The following IPO11 variants were observed in gnomAD, a reference collection of about 807,000 sequenced individuals.
IPO11 encodes importin 11, also known as importin-11.
A neutral mutation model predicts 143.2 loss-of-function variants in IPO11; 66 were observed. The ratio of observed to expected loss-of-function variants is 0.46; its 90% CI spans 0.38 to 0.57. The LOEUF is 0.57. IPO11 is among the 20% of genes least tolerant of loss of function. IPO11 has a pLI of 0.00. For missense variants in IPO11, 1,026 were observed against 1,141.0 expected (o/e 0.90, Z 1.45); for synonymous variants, 385 against 377.8 (o/e 1.02, Z -0.22).
At chr5:62,588,836 G>A (rs1345859628) in intron 27 of IPO11, among the ~76,000 whole-genome samples, 1 of 152,148 alleles carries the variant, frequency 6.6e-6, no homozygotes, top group Non-Finnish European at 1.5e-5. Flanking sequence ...ACTGCAGTTG[G>A]ACCTCACTGC....
chr5:62,564,145 A>G (rs1439016451), intron 27 of IPO11, among the ~76,000 whole-genome samples: 1 of 152,136 alleles, frequency 6.6e-6, no homozygotes, highest in Non-Finnish European at 1.5e-5. Flanking sequence ...TAGACTAGTG[A>G]TGAAACATTG....
Position 62,476,677 on chromosome 5 carries a change from T to G in IPO11, c.758-6T>G. 1.3e-6 allele frequency: 2 copies of G among 1,508,626 alleles called. No individual in the cohort carries two copies. Among genetic ancestry groups the G allele is most frequent in the Non-Finnish European group, 1.8e-6 (2 of 1,126,858 alleles). The allele number at this position is 1,508,626 out of a possible 1,614,324, so 93.5% of individuals were successfully genotyped here. A position where few individuals can be genotyped will look rare whatever the true frequency, so the allele number is the denominator to read the frequency against. On this transcript the variant is annotated splice_polypyrimidine_tract_variant and splice_region_variant and intron_variant, in intron 8 of 29. Coordinates refer to ENST00000325324, the MANE Select transcript of IPO11 (RefSeq NM_016338.5). ...ACTTCTAATATTTGAAATGTATTTTTAACAGGTAGAAGTATAGGTACAGAT... is the reference window on the plus strand; with the variant it reads ...ACTTCTAATATTTGAAATGTATTTTGAACAGGTAGAAGTATAGGTACAGAT...
At position 62,419,211 on chromosome 5, in the gene IPO11, T is replaced by G; in HGVS notation, c.-7+6282T>G. 5 of 1,424,788 alleles carry G rather than the reference T, an allele frequency of 3.5e-6. No homozygotes were observed. The East Asian group carries it at 1.0e-4, about 29-fold the overall frequency. The allele number at this position is 1,424,788 out of a possible 1,614,324, so 88.3% of individuals were successfully genotyped here. On this transcript the variant is annotated intron_variant, in intron 1 of 29. Coordinates refer to ENST00000325324, the MANE Select transcript of IPO11 (RefSeq NM_016338.5). ...GTAGAAGTAAAAAATGGTACATCTG[T>G]ACAGGGCACTTACCTCGAATGGAGC...
chr5:62,422,992 A>C (rs1244841324), intron 1 of IPO11, among the ~76,000 whole-genome samples: 2 of 152,198 alleles, frequency 1.3e-5, no homozygotes, highest in Non-Finnish European at 2.9e-5. Context: ...AAAGCAAGAA[A>C]ATATCAGAAA....
intron 4 of IPO11, among the ~76,000 whole-genome samples, chr5:62,450,446 G>C (rs952452302): frequency 6.6e-6 from 1 of 152,068 alleles, no homozygotes; most frequent in Non-Finnish European, 1.5e-5. Context: ...GGTGATGTTG[G>C]TGTAAACAAA....
chr5:62,618,804 G>A (rs924592158), intron 29 of IPO11, among the ~76,000 whole-genome samples: 9 of 152,212 alleles, frequency 5.9e-5, no homozygotes, highest in East Asian at 3.9e-4. Flanking sequence ...CCACCTAGTC[G>A]GGAGGCTGTT....
chr5:62,420,941 TAG>T (rs1208612665), intron 1 of IPO11, among the ~76,000 whole-genome samples: 1 of 152,208 alleles, frequency 6.6e-6, no homozygotes, highest in Non-Finnish European at 1.5e-5. Context: ...TCAATTTCAT[TAG>T]AGACAGCTAG....
At chr5:62,558,648 T>C (rs977679287) in intron 26 of IPO11, among the ~76,000 whole-genome samples, 35 of 152,206 alleles carry the variant, frequency 2.3e-4, no homozygotes, top group African/African-American at 7.0e-4. Context: ...CAATAAACAG[T>C]TGTGTTTGAA....
At chr5:62,508,395 G>A (rs576827040) in intron 19 of IPO11, among the ~76,000 whole-genome samples, 160 of 148,592 alleles carry the variant, frequency 1.1e-3, no homozygotes, top group African/African-American at 3.8e-3. Flanking sequence ...GGATCCACCC[G>A]CCTTGGCCTT....
intron 26 of IPO11, among the ~76,000 whole-genome samples, chr5:62,557,675 T>C (rs191808092): frequency 6.6e-6 from 1 of 152,348 alleles, no homozygotes; most frequent in African/African-American, 2.4e-5. Flanking sequence ...CAGTTCTATA[T>C]TGTTTTTATA....
intron 20 of IPO11, among the ~76,000 whole-genome samples, chr5:62,519,075 C>T (rs1243274205): frequency 6.6e-6 from 1 of 152,080 alleles, no homozygotes; most frequent in African/African-American, 2.4e-5. Flanking sequence ...GGCCTCCTGA[C>T]AGAGGTGTTA....
At chr5:62,529,769 C>A (rs1418668345) in intron 21 of IPO11, among the ~76,000 whole-genome samples, 1 of 152,016 alleles carries the variant, frequency 6.6e-6, no homozygotes, top group Admixed American at 6.6e-5. Flanking sequence ...ATAGGCTTTC[C>A]CCTCCTTTCC....
At chr5:62,465,093 G>A (rs1450602472) in intron 5 of IPO11, among the ~76,000 whole-genome samples, 1 of 152,136 alleles carries the variant, frequency 6.6e-6, no homozygotes, top group Non-Finnish European at 1.5e-5. Flanking sequence ...CATTTTTGGG[G>A]AGTTGAAATA....
At chr5:62,415,132 C>T (rs1451734083) in intron 1 of IPO11, among the ~76,000 whole-genome samples, 1 of 152,148 alleles carries the variant, frequency 6.6e-6, no homozygotes, top group Non-Finnish European at 1.5e-5. Flanking sequence ...GCTAACTGCT[C>T]CTGTTTATCA....
At chr5:62,581,545 T>C (rs2112407368) in intron 27 of IPO11, 1 of 380,966 alleles carries the variant, frequency 2.6e-6, no homozygotes, top group East Asian at 4.5e-5. Context: ...CTGTGCCAAA[T>C]ATTTCACATT....
intron 24 of IPO11, among the ~76,000 whole-genome samples, chr5:62,545,003 G>A (rs1224489645): frequency 2.6e-5 from 4 of 152,028 alleles, no homozygotes; most frequent in Admixed American, 1.3e-4. Context: ...AATCAATATC[G>A]TGAAAATGGC....
intron 27 of IPO11, among the ~76,000 whole-genome samples, chr5:62,585,914 A>G (rs914244109): frequency 6.6e-6 from 1 of 152,226 alleles, no homozygotes; most frequent in Non-Finnish European, 1.5e-5. Flanking sequence ...GGTTTCTAGC[A>G]TGAGTCACTG....
intron 4 of IPO11, among the ~76,000 whole-genome samples, chr5:62,450,284 T>G (rs1317895725): frequency 6.6e-6 from 1 of 152,198 alleles, no homozygotes; most frequent in Admixed American, 6.5e-5. Context: ...CTCTATATAG[T>G]CACGTGATGC....
chr5:62,563,602 G>A (rs1449321500), intron 27 of IPO11, among the ~76,000 whole-genome samples: 1 of 151,918 alleles, frequency 6.6e-6, no homozygotes, highest in African/African-American at 2.4e-5. Flanking sequence ...TGAAATATTT[G>A]CATATATATA....
Sources: allele counts gnomAD v4.1 joint callset (sites outside exome capture counted in the v4.1 genomes callset), GRCh38; gene constraint gnomAD v4.1.1; transcripts MANE v1.5; gene names NCBI Gene and HGNC (gene_info 2026-07-23, HGNC 2026-07-21).